LYPD1: variants seen among roughly 807,000 people sequenced by gnomAD.
LYPD1 encodes the protein ly6/PLAUR domain-containing protein 1.
Under a neutral mutation model 14.2 loss-of-function variants are expected in LYPD1, and 14 were observed. The observed-to-expected ratio is 0.99, with a 90% confidence interval of 0.65 to 1.54. LYPD1 has a LOEUF of 1.54. Ranked by LOEUF, LYPD1 falls within the 40% of genes most tolerant of loss-of-function variation. The pLI is 0.00. For synonymous variants in LYPD1, 85 were observed against 70.6 expected (o/e 1.20, Z -1.02); for missense variants, 165 against 175.7 (o/e 0.94, Z 0.34).
Position 132,668,439 on chromosome 2 carries a change from G to A in LYPD1, c.151C>T (p.Gln51Ter), listed in dbSNP as rs764857930. The part of the protein sequence containing the change: ...EFIVNCTVNV[Q>*]DMCQKEVMEQ... Reference sequence around the variant, plus strand: ...ATCACTTCTTTCTGACACATGTCTTGAACGTTCACCGTGCAATTCACAATG... The same window carrying A: ...ATCACTTCTTTCTGACACATGTCTTAAACGTTCACCGTGCAATTCACAATG... Residue 51 changes from glutamine to a stop codon, truncating the protein, a stop_gained, in exon 2 of 3, where the codon CAA becomes TAA. Coordinates refer to ENST00000397463, the MANE Select transcript of LYPD1 (RefSeq NM_144586.7). LOFTEE classifies it high-confidence loss of function. 1 of 1,610,202 alleles carries A rather than the reference G, an allele frequency of 6.2e-7. No individual in the cohort carries two copies. The highest frequency in any genetic ancestry group is 8.5e-7 in the Non-Finnish European group (1 of 1,178,336).
intron 2 of LYPD1, among the ~76,000 whole-genome samples, chr2:132,658,781 T>C (rs1682751326): frequency 1.3e-5 from 2 of 152,244 alleles, no homozygotes; most frequent in Admixed American, 1.3e-4. Context: ...TTGCATCTTC[T>C]GTGTGGGTGA....
At chr2:132,646,583 CACTGTGT>C (rs1348295399) in intron 2 of LYPD1, 3 of 276,238 alleles carry the variant, frequency 1.1e-5, no homozygotes. Flanking sequence ...TCAGAGTTCA[CACTGTGT>C]ACAAGACACA....
upstream of LYPD1, among the ~76,000 whole-genome samples, chr2:132,670,819 G>A (rs114163958): frequency 0.019 from 2,819 of 152,214 alleles, 84 homozygotes; most frequent in African/African-American, 0.059. The surrounding 1 kb of genome is among the most constrained non-coding windows in gnomAD (Gnocchi z 4.5). Flanking sequence ...GGGGTGTGGT[G>A]GGGACACTGC....
Position 132,646,296 on chromosome 2 carries a change from A to C in LYPD1, c.191-16T>G. 2.8e-6 allele frequency: 4 copies of C among 1,438,106 alleles called. No individual in the cohort carries two copies. Among genetic ancestry groups the C allele is most frequent in the Non-Finnish European group, 3.7e-6 (4 of 1,085,408 alleles). 89.1% of individuals were successfully genotyped at this position (1,438,106 alleles called of 1,614,324 possible). On this transcript the variant is annotated splice_polypyrimidine_tract_variant and intron_variant, in intron 2 of 2. Transcript: ENST00000397463. Reference sequence around the variant, plus strand: ...TACATGATCCCTGTAACACAGACCCAAAGGAGCTGAGTTAACGTGCACCGG... The same window carrying C: ...TACATGATCCCTGTAACACAGACCCCAAGGAGCTGAGTTAACGTGCACCGG...
intron 2 of LYPD1, among the ~76,000 whole-genome samples, chr2:132,663,664 G>A (rs1307007451): frequency 6.6e-6 from 1 of 152,146 alleles, no homozygotes; most frequent in Non-Finnish European, 1.5e-5. Context: ...TATTCATAGA[G>A]CATATTCCAT....
At chr2:132,670,699 G>C (rs933416957), upstream of LYPD1, among the ~76,000 whole-genome samples, 1 of 152,146 alleles carries the variant, frequency 6.6e-6, no homozygotes, top group African/African-American at 2.4e-5. The surrounding 1 kb of genome is among the most constrained non-coding windows in gnomAD (Gnocchi z 4.5). Context: ...CCGTGCGCCT[G>C]GCAAAGTTCC....
chr2:132,643,321 G>T lies in LYPD1; in HGVS notation c.*2724C>A, dbSNP rs1681897486. 6.6e-6 allele frequency among the ~76,000 whole-genome samples: 1 copy of T among 152,190 alleles called. No homozygotes were observed. The highest frequency in any genetic ancestry group is 1.5e-5 in the Non-Finnish European group (1 of 68,044). ...GGCTTATATTTCAAAGTTTTAGGCT[G>T]GGAGTTGACAGGAGAAACCTGTGGA... On this transcript the variant is annotated 3_prime_UTR_variant, in exon 3 of 3. Coordinates refer to ENST00000397463, the MANE Select transcript of LYPD1 (RefSeq NM_144586.7).
intron 1 of LYPD1, among the ~76,000 whole-genome samples, 178 bp from the exon 2 acceptor site, chr2:132,668,715 T>C (rs1558890825): frequency 6.6e-6 from 1 of 152,044 alleles, no homozygotes. Context: ...CGCGGGTACC[T>C]AGGGTCCTAC....
In LYPD1 at chr2:132,655,514, ATTT is replaced by A. The variant is rs1180944589; in HGVS notation, c.191-9237_191-9235del. ...ATGATTCTCTTGGGGGTTGAGAAGC[ATTT>A]TTTTTTTTTTTTTTTGAGATGGAGT... On this transcript the variant is annotated intron_variant, in intron 2 of 2. Transcript: ENST00000397463. 7.0e-5 allele frequency among the ~76,000 whole-genome samples: 7 copies of A among 99,446 alleles called. 1 individual carries two copies. The highest frequency in any genetic ancestry group is 3.1e-4 in the South Asian group (1 of 3,180). The allele number at this position is 99,446 out of a possible 152,430, so 65.2% of individuals were successfully genotyped here.
intron 2 of LYPD1, among the ~76,000 whole-genome samples, chr2:132,652,568 G>A (rs1034541449): frequency 6.6e-6 from 1 of 152,108 alleles, no homozygotes; most frequent in African/African-American, 2.4e-5. Context: ...TCCATCAAAC[G>A]TGGCTCGGAT....
At chr2:132,658,422 G>T (rs978660491) in intron 2 of LYPD1, among the ~76,000 whole-genome samples, 5 of 152,230 alleles carry the variant, frequency 3.3e-5, no homozygotes, top group Admixed American at 6.5e-5. Context: ...CTGTTAGGAA[G>T]TGTTGCCCCA....
chr2:132,661,865 G>C (rs1041238782), intron 2 of LYPD1, among the ~76,000 whole-genome samples: 1 of 151,686 alleles, frequency 6.6e-6, no homozygotes, highest in African/African-American at 2.4e-5. Flanking sequence ...TACTTTAAAG[G>C]GTGAATTATA....
intron 2 of LYPD1, among the ~76,000 whole-genome samples, chr2:132,647,874 T>C (rs1221135038): frequency 6.6e-6 from 1 of 152,136 alleles, no homozygotes; most frequent in Non-Finnish European, 1.5e-5. Flanking sequence ...ATAGAAACAT[T>C]AAGGAATGAA....
intron 2 of LYPD1, among the ~76,000 whole-genome samples, chr2:132,668,029 A>G (rs1683382357): frequency 6.6e-6 from 1 of 152,236 alleles, no homozygotes; most frequent in Non-Finnish European, 1.5e-5. Context: ...AACTAGCTCC[A>G]TATTTCAGGC....
rs371451824 is a variant in LYPD1, at chr2:132,669,939, G to C, written c.-7C>G. 1 of 1,612,140 alleles carries C rather than the reference G, an allele frequency of 6.2e-7. No homozygotes were observed. Among genetic ancestry groups the C allele is most frequent in the Non-Finnish European group, 8.5e-7 (1 of 1,179,278 alleles). On this transcript the variant is annotated 5_prime_UTR_variant, in exon 1 of 3. Coordinates refer to ENST00000397463, the MANE Select transcript of LYPD1 (RefSeq NM_144586.7). The surrounding 1 kb of genome is among the most constrained non-coding windows in gnomAD (Gnocchi z 4.3). ...CGATGCCTAGGACCCACATTCTCCC[G>C]GAGTCCCGGGGCCGGGAGAGGGCAA...
At chr2:132,659,665 A>G (rs1476449244) in intron 2 of LYPD1, among the ~76,000 whole-genome samples, 1 of 152,156 alleles carries the variant, frequency 6.6e-6, no homozygotes, top group African/African-American at 2.4e-5. Flanking sequence ...CCTCTCAGAG[A>G]ATGTTAACTC....
rs1682054529 is a variant in LYPD1 at position 132,646,050 on chromosome 2, A to C, written c.421T>G (p.Cys141Gly). The stretch of plus-strand genomic sequence containing the variant: ...GGGTGGCATCTCCTTCAGCTTCAGC[A>C]GTGTGCCGAGAAGAGGGCTAATTTG... Reference protein sequence around the residue: ...FLKLALFSAHC With the variant: ...FLKLALFSAHG Residue 141 changes from cysteine to glycine, a missense_variant, in exon 3 of 3, where the codon TGC becomes GGC. By Grantham distance (159) the Cys-to-Gly change is radical. Coordinates refer to ENST00000397463, the MANE Select transcript of LYPD1 (RefSeq NM_144586.7). 1.9e-6 allele frequency: 3 copies of C among 1,563,630 alleles called. No individual in the cohort carries two copies. The African/African-American group carries it at 4.1e-5, about 21-fold the overall frequency.
intron 2 of LYPD1, among the ~76,000 whole-genome samples, chr2:132,658,998 G>T (rs1204007155): frequency 6.6e-6 from 1 of 152,014 alleles, no homozygotes; most frequent in African/African-American, 2.4e-5. Context: ...CCTATTCAAA[G>T]CAAAGCCAGG....
intron 2 of LYPD1, among the ~76,000 whole-genome samples, chr2:132,646,795 T>A (rs1406907259): frequency 6.6e-6 from 1 of 152,214 alleles, no homozygotes; most frequent in Non-Finnish European, 1.5e-5. Context: ...CCCTACTGAA[T>A]GGGCCCTGAG....
Sources: allele counts gnomAD v4.1 joint callset (sites outside exome capture counted in the v4.1 genomes callset), GRCh38; gene constraint gnomAD v4.1.1; non-coding constraint Gnocchi (gnomAD v3.1); transcripts MANE v1.5; gene names NCBI Gene and HGNC (gene_info 2026-07-23, HGNC 2026-07-21).